Variants in RABEPK observed in about 807,000 individuals in gnomAD.
RABEPK encodes the protein 40 kDa Rab9 effector protein.
Under a neutral mutation model 34.1 loss-of-function variants are expected in RABEPK, and 27 were observed. That is an observed-to-expected ratio of 0.79 (90% CI 0.58 to 1.09). RABEPK has a LOEUF of 1.09. RABEPK is among the 50% of genes least tolerant of loss of function. The pLI is 0.00. For synonymous variants in RABEPK, 172 were observed against 169.2 expected (o/e 1.02, Z -0.13); for missense variants, 449 against 462.6 (o/e 0.97, Z 0.27).
Position 125,220,718 on chromosome 9 carries a change from C to A in RABEPK, c.526+18C>A. 2 of 1,611,326 alleles carry A rather than the reference C, an allele frequency of 1.2e-6. No individual in the cohort carries two copies. The highest frequency in any genetic ancestry group is 1.7e-6 in the Non-Finnish European group (2 of 1,178,524). ...TGACGCAAGTATGGACTGGTGGGCACCTTGGGGCTGGTCAGGGCCATCCCA... is the reference window on the plus strand; with the variant it reads ...TGACGCAAGTATGGACTGGTGGGCAACTTGGGGCTGGTCAGGGCCATCCCA... On this transcript the variant is annotated intron_variant, in intron 5 of 7. Transcript: ENST00000373538.
At chr9:125,215,808 G>A (rs1169829084) in intron 4 of RABEPK, among the ~76,000 whole-genome samples, 1 of 152,088 alleles carries the variant, frequency 6.6e-6, no homozygotes, top group African/African-American at 2.4e-5. Flanking sequence ...GAAATAAAAA[G>A]GCTAGGTAAA....
Position 125,226,676 on chromosome 9 carries a change from CA to C in RABEPK, c.527-1232del, listed in dbSNP as rs556521151. 9.4e-5 allele frequency among the ~76,000 whole-genome samples: 14 copies of C among 149,706 alleles called. 1 individual carries two copies. In the South Asian group the frequency reaches 3.0e-3, roughly 32 times the overall value. ...GTCAAGAGATCAAGACCAGTCTGGC[CA>C]ACATGGTGATACCGCGTCTCAATTA... On this transcript the variant is annotated intron_variant, in intron 5 of 7. Transcript: ENST00000373538.
chr9:125,230,689 C>T (rs1588414408), intron 6 of RABEPK, among the ~76,000 whole-genome samples: 1 of 151,848 alleles, frequency 6.6e-6, no homozygotes, highest in East Asian at 2.0e-4. Flanking sequence ...GTGTCCACCA[C>T]CACGCCCGGC....
chr9:125,229,683 T>G (rs1739157438), intron 6 of RABEPK, among the ~76,000 whole-genome samples: 1 of 152,236 alleles, frequency 6.6e-6, no homozygotes, highest in African/African-American at 2.4e-5. Context: ...CTTTCTGGTG[T>G]TAGCCATTAA....
intron 3 of RABEPK, among the ~76,000 whole-genome samples, chr9:125,212,947 C>T (rs7024060): frequency 0.023 from 3,538 of 152,048 alleles, 147 homozygotes; most frequent in African/African-American, 0.082. Context: ...GGATTACAGG[C>T]GTGAGCCACT....
At chr9:125,203,747 C>T (rs914595604) in intron 2 of RABEPK, among the ~76,000 whole-genome samples, 1 of 152,116 alleles carries the variant, frequency 6.6e-6, no homozygotes, top group Non-Finnish European at 1.5e-5. Flanking sequence ...AAATCAGACT[C>T]CTGGGCTGGG....
intron 7 of RABEPK, 120 bp downstream of exon 7, chr9:125,232,865 C>T (rs1832301210): frequency 9.7e-7 from 1 of 1,034,964 alleles, no homozygotes; most frequent in Non-Finnish European, 1.3e-6. Flanking sequence ...ATCACGAGGT[C>T]AGGAGATCGA....
intron 3 of RABEPK, among the ~76,000 whole-genome samples, chr9:125,212,948 G>A (rs552496897): frequency 6.6e-6 from 1 of 152,120 alleles, no homozygotes; most frequent in East Asian, 1.9e-4. Flanking sequence ...GATTACAGGC[G>A]TGAGCCACTG....
intron 2 of RABEPK, among the ~76,000 whole-genome samples, chr9:125,206,414 C>G (rs1055849639): frequency 1.1e-4 from 17 of 151,790 alleles, no homozygotes; most frequent in African/African-American, 3.9e-4. Context: ...AGGAGAATCA[C>G]TTGAAGCCTG....
At chr9:125,214,298 G>A (rs1171940882) in intron 4 of RABEPK, among the ~76,000 whole-genome samples, 1 of 152,078 alleles carries the variant, frequency 6.6e-6, no homozygotes, top group East Asian at 1.9e-4. Context: ...CACAACTGGG[G>A]GTAGCGTGGG....
At chr9:125,201,210 A>G (rs1191829531) in intron 1 of RABEPK, among the ~76,000 whole-genome samples, 1 of 152,248 alleles carries the variant, frequency 6.6e-6, no homozygotes, top group Non-Finnish European at 1.5e-5. Flanking sequence ...AGGTTTCACC[A>G]GGGAAGGGAC....
chr9:125,226,586 C>T (rs1831766560), intron 5 of RABEPK, among the ~76,000 whole-genome samples: 1 of 151,732 alleles, frequency 6.6e-6, no homozygotes, highest in Admixed American at 6.6e-5. Flanking sequence ...TTAGATGGGG[C>T]CGGGCACGGT....
At chr9:125,211,952 G>T (rs979080886) in intron 3 of RABEPK, among the ~76,000 whole-genome samples, 72 of 151,280 alleles carry the variant, frequency 4.8e-4, no homozygotes, top group Non-Finnish European at 8.5e-4. Flanking sequence ...CTGGGCAACA[G>T]AGCAAGACTC....
At position 125,213,394 on chromosome 9, in the gene RABEPK, C is replaced by A. The variant is rs1368473003; in HGVS notation, c.236C>A (p.Thr79Asn). 6.2e-7 allele frequency: 1 copy of A among 1,612,914 alleles called. No homozygotes were observed. Among genetic ancestry groups the A allele is most frequent in the Non-Finnish European group, 8.5e-7 (1 of 1,179,612 alleles). The change falls in exon 4 of 8, where the codon ACC (threonine) becomes AAC (asparagine). Residue 79 changes from threonine (T) to asparagine (N), a missense_variant. Coordinates refer to ENST00000373538, the MANE Select transcript of RABEPK (RefSeq NM_005833.4). ...GGAAAACACCAGTGGGACTTAGATA[C>A]CTGCAAGGGCCTCTTGCCCCGGTAT... is the stretch of plus-strand genomic sequence containing the variant. ...DLGKHQWDLD[T>N]CKGLLPRYEH...
In RABEPK at chr9:125,213,359, A is replaced by G; in HGVS notation, c.212-11A>G. The G allele has an allele frequency of 1.2e-6, 2 of 1,607,830 alleles. No individual in the cohort carries two copies. The highest frequency in any genetic ancestry group is 1.7e-6 in the Non-Finnish European group (2 of 1,177,998). Reference sequence around the variant, plus strand: ...AGCCCCAATCTAGGAACTGGGTGAAATGTTTTCCAGGAAAACACCAGTGGG... The same window carrying G: ...AGCCCCAATCTAGGAACTGGGTGAAGTGTTTTCCAGGAAAACACCAGTGGG... On this transcript the variant is annotated splice_polypyrimidine_tract_variant and intron_variant, in intron 3 of 7. Transcript: ENST00000373538.
intron 5 of RABEPK, among the ~76,000 whole-genome samples, chr9:125,227,402 C>T (rs115100296): frequency 0.015 from 2,333 of 151,632 alleles, 67 homozygotes; most frequent in African/African-American, 0.052. Context: ...GAAGCATGCA[C>T]GCAGAGCCTC....
At chr9:125,232,217 T>TAC (rs34676967) in intron 6 of RABEPK, among the ~76,000 whole-genome samples, 17,457 of 118,046 alleles carry the variant, frequency 0.15, 1,121 homozygotes, top group Non-Finnish European at 0.19. Flanking sequence ...GTATTTAAAG[T>TAC]ACACACACAC....
At chr9:125,224,302 G>T (rs534534865) in intron 5 of RABEPK, among the ~76,000 whole-genome samples, 2 of 151,848 alleles carry the variant, frequency 1.3e-5, no homozygotes, top group African/African-American at 4.8e-5. Context: ...TTCTATATAT[G>T]TACAGCTTTG....
chr9:125,213,203 C>A (rs986220295), intron 3 of RABEPK, among the ~76,000 whole-genome samples, 167 bp from the exon 4 acceptor site: 2 of 152,110 alleles, frequency 1.3e-5, no homozygotes, highest in African/African-American at 4.8e-5. Context: ...CAGACAGCCC[C>A]CTAAGTATCT....
Sources: allele counts gnomAD v4.1 joint callset (sites outside exome capture counted in the v4.1 genomes callset), GRCh38; gene constraint gnomAD v4.1.1; transcripts MANE v1.5; gene names NCBI Gene and HGNC (gene_info 2026-07-23, HGNC 2026-07-21).